Variants in SLC60A2 observed in about 807,000 individuals in gnomAD.
SLC60A2 encodes solute carrier family 60 member 2.
the SLC60A2 span, chr6:111,259,400 C>G: frequency 1.3e-5 from 5 of 385,658 alleles, no homozygotes; most frequent in Middle Eastern, 6.6e-4. Context: ...TTCTCTGCCC[C>G]GGTTCCGGGC....
the SLC60A2 span, chr6:111,259,613 G>T: frequency 6.9e-7 from 1 of 1,448,528 alleles, no homozygotes. Flanking sequence ...CGGAGGCCCC[G>T]GCGGAGAATG....
At chr6:111,266,877 G>T in the SLC60A2 span, 2 of 1,613,954 alleles carry the variant, frequency 1.2e-6, no homozygotes, top group African/African-American at 2.7e-5. Flanking sequence ...TGAATATGAG[G>T]AAGAGAATGA....
chr6:111,271,852 C>A, the SLC60A2 span, among the ~76,000 whole-genome samples: 1 of 141,722 alleles, frequency 7.1e-6, no homozygotes, highest in Non-Finnish European at 1.5e-5. Flanking sequence ...ATTTGTAATC[C>A]CACTTCTGGG....
At chr6:111,262,913 C>T in the SLC60A2 span, among the ~76,000 whole-genome samples, 3 of 152,062 alleles carry the variant, frequency 2.0e-5, no homozygotes, top group African/African-American at 7.2e-5. Flanking sequence ...TGCTCTGTCT[C>T]ACCCTGGAAA....
the SLC60A2 span, among the ~76,000 whole-genome samples, chr6:111,276,761 GA>G: frequency 6.6e-6 from 1 of 152,204 alleles, no homozygotes; most frequent in Non-Finnish European, 1.5e-5. Flanking sequence ...TGTGGTCTGA[GA>G]ACGATAAATG....
At chr6:111,264,390 A>G in the SLC60A2 span, among the ~76,000 whole-genome samples, 1 of 150,588 alleles carries the variant, frequency 6.6e-6, no homozygotes, top group Non-Finnish European at 1.5e-5. Flanking sequence ...TTCCAAGCCA[A>G]GAGAGATCCA....
the SLC60A2 span, chr6:111,267,333 T>C: frequency 2.1e-6 from 1 of 484,308 alleles, no homozygotes; most frequent in Non-Finnish European, 3.6e-6. Context: ...AGGATCTTGT[T>C]ATAACGCTAT....
the SLC60A2 span, chr6:111,259,410 C>T: frequency 1.5e-5 from 6 of 394,650 alleles, no homozygotes; most frequent in Admixed American, 4.5e-5. Flanking sequence ...CGGTTCCGGG[C>T]GGTCCGCTGG....
chr6:111,276,205 C>G, the SLC60A2 span, among the ~76,000 whole-genome samples: 1 of 152,186 alleles, frequency 6.6e-6, no homozygotes, highest in Non-Finnish European at 1.5e-5. Flanking sequence ...TACATTTTGG[C>G]TGTTGTTAAT....
At chr6:111,274,170 T>C in the SLC60A2 span, among the ~76,000 whole-genome samples, 1 of 152,366 alleles carries the variant, frequency 6.6e-6, no homozygotes, top group South Asian at 2.1e-4. Flanking sequence ...ATATTGGCTT[T>C]ATTTATTTTG....
chr6:111,274,195 G>C, the SLC60A2 span, among the ~76,000 whole-genome samples: 1 of 152,016 alleles, frequency 6.6e-6, no homozygotes, highest in Non-Finnish European at 1.5e-5. Flanking sequence ...TCTGGTGTTC[G>C]GTGCATATAT....
chr6:111,271,238 A>G, the SLC60A2 span: 1 of 149,748 alleles, frequency 6.7e-6, no homozygotes, highest in African/African-American at 2.4e-5. Context: ...TTTCAGCTTG[A>G]GTTTATTTGT....
chr6:111,262,128 ATTC>A, the SLC60A2 span: 1 of 660,010 alleles, frequency 1.5e-6, no homozygotes, highest in Non-Finnish European at 2.4e-6. Context: ...CAGTAGTCTA[ATTC>A]CCTACATTAC....
At chr6:111,263,985 C>A in the SLC60A2 span, 2 of 1,073,420 alleles carry the variant, frequency 1.9e-6, no homozygotes, top group Non-Finnish European at 2.9e-6. Context: ...GGAGTAGGGA[C>A]TTGCTAGAAG....
chr6:111,279,491 G>A, the SLC60A2 span, among the ~76,000 whole-genome samples: 9 of 151,856 alleles, frequency 5.9e-5, no homozygotes, highest in South Asian at 2.1e-4. Flanking sequence ...CTCGTGATCC[G>A]CCCACCTCGG....
At chr6:111,261,568 G>A in the SLC60A2 span, among the ~76,000 whole-genome samples, 1 of 152,088 alleles carries the variant, frequency 6.6e-6, no homozygotes, top group East Asian at 1.9e-4. Flanking sequence ...ACAGGTGTAA[G>A]CAACCACACC....
chr6:111,276,449 C>G, the SLC60A2 span, among the ~76,000 whole-genome samples: 1 of 152,078 alleles, frequency 6.6e-6, no homozygotes, highest in Non-Finnish European at 1.5e-5. Flanking sequence ...AGACTTTAGG[C>G]GCATTATGAT....
At chr6:111,271,991 T>A in the SLC60A2 span, among the ~76,000 whole-genome samples, 2 of 151,954 alleles carry the variant, frequency 1.3e-5, no homozygotes, top group Non-Finnish European at 2.9e-5. Flanking sequence ...CCAGAACTTC[T>A]GATTTATCAT....
the SLC60A2 span, chr6:111,268,485 A>C: frequency 1.3e-5 from 2 of 152,392 alleles, no homozygotes; most frequent in South Asian, 2.1e-4. Context: ...GTATCTTTAC[A>C]GACATTTTAA....
Sources: gnomAD v4.1 joint callset for allele counts (sites outside exome capture counted in the v4.1 genomes callset) on GRCh38, gnomAD v4.1.1 for gene constraint, MANE v1.5 for transcripts, NCBI Gene and HGNC (gene_info 2026-07-23, HGNC 2026-07-21) for gene names.